Variants in FBN2 observed in about 807,000 individuals in gnomAD.
The protein encoded by FBN2 is fibrillin-2.
In FBN2, 105 loss-of-function variants were observed where a neutral mutation model predicts 355.6. The observed-to-expected ratio is 0.30, with a 90% CI of 0.25 to 0.35. The LOEUF (loss-of-function observed/expected upper bound fraction) is 0.35. FBN2 is among the 10% of genes least tolerant of loss of function. FBN2 has a pLI of 1.00. For synonymous variants in FBN2, 1,350 were observed against 1,301.2 expected, an observed-to-expected ratio of 1.04 and a Z score of -0.81; for missense variants, 3,280 against 3,758.7, an observed-to-expected ratio of 0.87 and a Z score of 3.33.
Position 128,369,319 on chromosome 5 carries a change from C to T in FBN2, c.2111G>A (p.Ser704Asn), listed in dbSNP as rs745451975. The T allele has an allele frequency of 6.2e-6, 10 of 1,614,118 alleles. No individual in the cohort carries two copies. Among genetic ancestry groups the T allele is most frequent in the Non-Finnish European group, 8.5e-6 (10 of 1,180,014 alleles). ...TTTCTTGATTCCTCCATAGCAGGTA[C>T]TGCGCATGTGAGTATCTAAAGGAGA... is the stretch of plus-strand genomic sequence containing the variant. ...GRVCVDTHMR[S>N]TCYGGIKKGV... Residue 704 changes from serine (S) to asparagine (N), a missense_variant, in exon 16 of 65, where the codon AGT becomes AAT. Transcript: ENST00000262464.
intron 48 of FBN2, among the ~76,000 whole-genome samples, chr5:128,300,097 T>A (rs766025738): frequency 8.5e-5 from 13 of 152,226 alleles, no homozygotes; most frequent in Non-Finnish European, 1.9e-4. Flanking sequence ...TTAGGTAGAA[T>A]CTTGCCAAGG....
rs1749699795 is a variant in FBN2 at position 128,300,997 on chromosome 5, T to C, written c.6047-61A>G. ...ATGAGATAATTGTTACATAGATTTA[T>C]CTGTCTGCCAAATGATATTAACATG... On this transcript the variant is annotated intron_variant, in intron 47 of 64. Transcript: ENST00000262464. 5 of 1,511,842 alleles carry C rather than the reference T, an allele frequency of 3.3e-6. No homozygotes were observed. The Admixed American group carries it at 5.1e-5, about 15-fold the overall frequency. 93.7% of individuals were successfully genotyped at this position (1,511,842 alleles called of 1,614,324 possible). A position where few individuals can be genotyped will look rare whatever the true frequency, so the allele number is the denominator to read the frequency against.
intron 5 of FBN2, among the ~76,000 whole-genome samples, chr5:128,511,538 T>C (rs1034407675): frequency 2.6e-5 from 4 of 152,216 alleles, no homozygotes; most frequent in African/African-American, 9.6e-5. Flanking sequence ...ACATGTATGA[T>C]GCGTCTTCCA....
chr5:128,385,758 T>C (rs1752351371), intron 11 of FBN2, among the ~76,000 whole-genome samples: 1 of 152,192 alleles, frequency 6.6e-6, no homozygotes, highest in African/African-American at 2.4e-5. Flanking sequence ...GGTATCTCAT[T>C]GTGGTTTTCA....
chr5:128,526,924 T>C (rs572255695), intron 4 of FBN2, among the ~76,000 whole-genome samples: 6 of 152,252 alleles, frequency 3.9e-5, no homozygotes, highest in Non-Finnish European at 8.8e-5. Context: ...AAATTTTTCA[T>C]TGCAAGAAAA....
chr5:128,474,949 G>A (rs1159242610), intron 5 of FBN2, among the ~76,000 whole-genome samples: 1 of 152,134 alleles, frequency 6.6e-6, no homozygotes, highest in African/African-American at 2.4e-5. Context: ...AGAGGACACA[G>A]GTAGCATCTA....
intron 25 of FBN2, among the ~76,000 whole-genome samples, chr5:128,343,346 T>TG (rs1392327249): frequency 1.3e-5 from 2 of 152,126 alleles, no homozygotes; most frequent in African/African-American, 4.8e-5. Flanking sequence ...CTCTGGAGAC[T>TG]GGCACAGGGC....
intron 7 of FBN2, among the ~76,000 whole-genome samples, chr5:128,444,659 T>C (rs1256576743): frequency 6.6e-6 from 1 of 152,208 alleles, no homozygotes; most frequent in East Asian, 1.9e-4. Context: ...CTACGTGCTA[T>C]CAATGTCCCT....
chr5:128,501,495 T>C (rs1247148552), intron 5 of FBN2, among the ~76,000 whole-genome samples: 2 of 152,024 alleles, frequency 1.3e-5, no homozygotes, highest in Non-Finnish European at 2.9e-5. Flanking sequence ...AAGAAATGGG[T>C]CGGGAACTAT....
At position 128,272,135 on chromosome 5, in the gene FBN2, G is replaced by A. The variant is rs371643668; in HGVS notation, c.7841-17C>T. ...CATCAACATCTGCAAAAACAAGCCC[G>A]GCAAAACCTTTATGTCACCTTTCTT... On this transcript the variant is annotated splice_polypyrimidine_tract_variant and intron_variant, in intron 61 of 64. Coordinates refer to ENST00000262464, the MANE Select transcript of FBN2 (RefSeq NM_001999.4). The A allele has an allele frequency of 1.0e-4, 163 of 1,613,656 alleles. No homozygotes were observed. Among genetic ancestry groups the A allele is most frequent in the Non-Finnish European group, 1.2e-4 (142 of 1,179,816 alleles).
intron 7 of FBN2, among the ~76,000 whole-genome samples, chr5:128,437,767 T>C (rs1753806683): frequency 7.0e-6 from 1 of 143,514 alleles, no homozygotes; most frequent in South Asian, 2.3e-4. Flanking sequence ...ATAAATAGTA[T>C]GTATGTATAG....
intron 6 of FBN2, among the ~76,000 whole-genome samples, chr5:128,459,508 CA>C (rs34435708): frequency 6.7e-6 from 1 of 148,322 alleles, no homozygotes; most frequent in African/African-American, 2.5e-5. Flanking sequence ...ACAACAACAA[CA>C]AAAAACTTGC....
Position 128,287,417 on chromosome 5 carries a change from A to G in FBN2, c.6771T>C (p.Cys2257=), listed in dbSNP as rs1749186278. Residue 2257 remains cysteine, a synonymous_variant, in exon 54 of 65, where the codon TGT becomes TGC. Transcript: ENST00000262464. ...PMMNCEDINE[C]AQNPLLCAFR... is the part of the protein sequence containing the mutation. ...AAGCACACAGCAGTGGGTTCTGGGC[A>G]CATTCGTTGATATCTGACCAAAGGA... is the stretch of plus-strand genomic sequence containing the variant. 1.2e-6 allele frequency: 2 copies of G among 1,613,900 alleles called. No homozygotes were observed.
chr5:128,483,487 T>G (rs73784602), intron 5 of FBN2, among the ~76,000 whole-genome samples: 1 of 151,798 alleles, frequency 6.6e-6, no homozygotes, highest in African/African-American at 2.4e-5. Flanking sequence ...TTTGGAAAAC[T>G]ACCTGAGGTT....
intron 23 of FBN2, among the ~76,000 whole-genome samples, chr5:128,347,572 A>C (rs1211038954): frequency 1.3e-5 from 2 of 152,228 alleles, no homozygotes; most frequent in African/African-American, 4.8e-5. Flanking sequence ...TGAGTTTGGG[A>C]TCCCTGATTC....
At chr5:128,284,709 G>C (rs2126814703) in intron 55 of FBN2, among the ~76,000 whole-genome samples, 1 of 152,268 alleles carries the variant, frequency 6.6e-6, no homozygotes, top group South Asian at 2.1e-4. Context: ...CTCTGATAAA[G>C]TTCTTAAAGC....
intron 34 of FBN2, among the ~76,000 whole-genome samples, chr5:128,319,819 A>T (rs1328644764): frequency 6.6e-6 from 1 of 152,214 alleles, no homozygotes; most frequent in Non-Finnish European, 1.5e-5. Flanking sequence ...GTGTATGTAT[A>T]GCTGTGGAAA....
At chr5:128,373,474 C>A (rs1313773458) in intron 15 of FBN2, among the ~76,000 whole-genome samples, 1 of 152,160 alleles carries the variant, frequency 6.6e-6, no homozygotes, top group African/African-American at 2.4e-5. Context: ...TTCTCTACTT[C>A]TTCTCCTCCA....
intron 25 of FBN2, 68 bp from the exon 26 acceptor site, chr5:128,339,129 G>A: frequency 6.5e-7 from 1 of 1,537,796 alleles, no homozygotes; most frequent in Non-Finnish European, 9.0e-7. Context: ...AAGCGAAGGT[G>A]CTGCATGCTT....
Sources: allele counts gnomAD v4.1 joint callset (sites outside exome capture counted in the v4.1 genomes callset), GRCh38; gene constraint gnomAD v4.1.1; transcripts MANE v1.5; gene names NCBI Gene and HGNC (gene_info 2026-07-23, HGNC 2026-07-21).